FAR2: variants seen among roughly 807,000 people sequenced by gnomAD.
The protein encoded by FAR2 is epididymis secretory protein Li 81.
A neutral mutation model predicts 56.0 loss-of-function variants in FAR2; 19 were observed. The ratio of observed to expected loss-of-function variants is 0.34; its 90% CI spans 0.24 to 0.50. The LOEUF (loss-of-function observed/expected upper bound fraction) is 0.50, where lower values mean the gene tolerates loss of function less well. Ranked by LOEUF, FAR2 falls within the 20% of genes least tolerant of loss-of-function variation. The probability of loss-of-function intolerance (pLI) is 0.98; values close to 1 mark genes in which losing one functional copy is unlikely to be tolerated. For missense variants in FAR2, 508 were observed against 642.2 expected (o/e 0.79, Z 2.26); for synonymous variants, 219 against 218.8 (o/e 1.00, Z -0.01).
intron 1 of FAR2, among the ~76,000 whole-genome samples, chr12:29,224,225 A>G (rs1030119339): frequency 6.6e-6 from 1 of 152,176 alleles, no homozygotes; most frequent in Non-Finnish European, 1.5e-5. Flanking sequence ...GACTGCATGA[A>G]ATGAAATGCT....
intron 1 of FAR2, among the ~76,000 whole-genome samples, chr12:29,167,055 A>G (rs1367730517): frequency 6.6e-6 from 1 of 152,094 alleles, no homozygotes; most frequent in Non-Finnish European, 1.5e-5. Flanking sequence ...GGATCTTGCC[A>G]ATAATCGATT....
At chr12:29,297,224 C>G (rs752913061) in intron 4 of FAR2, 24 bp downstream of exon 4, 3 of 1,594,934 alleles carry the variant, frequency 1.9e-6, no homozygotes, top group Non-Finnish European at 2.6e-6. Context: ...ATAAAAGGAT[C>G]AAGGGGCGGG....
chr12:29,323,816 C>T (rs555983723), intron 10 of FAR2, among the ~76,000 whole-genome samples: 7 of 152,130 alleles, frequency 4.6e-5, no homozygotes, highest in African/African-American at 2.4e-5. Flanking sequence ...GTAGAAAAAC[C>T]GGAAACGCTA....
At chr12:29,198,418 A>G (rs906899766) in intron 1 of FAR2, among the ~76,000 whole-genome samples, 1 of 151,950 alleles carries the variant, frequency 6.6e-6, no homozygotes, top group African/African-American at 2.4e-5. Context: ...TAGTAGAGAC[A>G]GGGTTTCACC....
intron 2 of FAR2, among the ~76,000 whole-genome samples, chr12:29,291,153 A>G (rs1293679693): frequency 6.6e-6 from 1 of 152,124 alleles, no homozygotes; most frequent in Non-Finnish European, 1.5e-5. Flanking sequence ...AGAAAAATAG[A>G]AAGAGTTTCC....
At chr12:29,286,944 G>A (rs1948885934) in intron 2 of FAR2, among the ~76,000 whole-genome samples, 1 of 152,098 alleles carries the variant, frequency 6.6e-6, no homozygotes, top group South Asian at 2.1e-4. Context: ...TAGTCAGGTG[G>A]TTGGCATTTT....
At chr12:29,333,273 C>A (rs2136833718) in intron 11 of FAR2, 1 of 245,062 alleles carries the variant, frequency 4.1e-6, no homozygotes, top group Non-Finnish European at 7.9e-6. Context: ...AAGGAGGAAC[C>A]TTGAATAGCA....
chr12:29,197,490 A>G (rs1363135099), intron 1 of FAR2, among the ~76,000 whole-genome samples: 3 of 152,170 alleles, frequency 2.0e-5, no homozygotes, highest in African/African-American at 7.2e-5. Flanking sequence ...CCAACAACTT[A>G]TGATAGGGGT....
rs572304394 is a variant in FAR2, at chr12:29,274,257, T to C, written c.189+3619T>C. Among the ~76,000 whole-genome samples, 75 of 139,074 alleles carry C rather than the reference T, an allele frequency of 5.4e-4. 1 individual carries two copies. The highest frequency in any genetic ancestry group is 7.1e-4 in the Non-Finnish European group (47 of 65,920). The allele number at this position is 139,074 out of a possible 152,430, so 91.2% of individuals were successfully genotyped here. ...CCCTTCCTGTGTCCATGTGTTCTCA[T>C]TGTTCAGTTCCCACCTCTGAGTGAG... On this transcript the variant is annotated intron_variant, in intron 2 of 11. Coordinates refer to ENST00000536681, the MANE Select transcript of FAR2 (RefSeq NM_001271783.2).
intron 1 of FAR2, among the ~76,000 whole-genome samples, chr12:29,254,044 G>A (rs1948276178): frequency 6.6e-6 from 1 of 152,140 alleles, no homozygotes; most frequent in Admixed American, 6.5e-5. Flanking sequence ...GTGTTCTTAA[G>A]ACCAGCTTTG....
At chr12:29,243,666 C>T (rs183559253) in intron 1 of FAR2, among the ~76,000 whole-genome samples, 2 of 152,150 alleles carry the variant, frequency 1.3e-5, no homozygotes, top group African/African-American at 2.4e-5. Context: ...ATTATGCCAG[C>T]GTTGGAATGG....
intron 1 of FAR2, among the ~76,000 whole-genome samples, chr12:29,164,677 A>G (rs1758606716): frequency 6.6e-6 from 1 of 152,170 alleles, no homozygotes; most frequent in Admixed American, 6.5e-5. Context: ...TGAGCCATGA[A>G]CTGAGGAGTA....
intron 1 of FAR2, among the ~76,000 whole-genome samples, chr12:29,176,051 C>T (rs190608943): frequency 1.6e-3 from 241 of 152,138 alleles, no homozygotes; most frequent in South Asian, 3.3e-3. Context: ...TTTAAATTTG[C>T]ACTTCTGTAG....
At chr12:29,182,297 GGCCA>G (rs2136598414) in intron 1 of FAR2, among the ~76,000 whole-genome samples, 1 of 152,330 alleles carries the variant, frequency 6.6e-6, no homozygotes, top group African/African-American at 2.4e-5. Context: ...TGGCTGCAGT[GGCCA>G]GCTTTTATTC....
At chr12:29,329,566 G>A (rs2136827279) in intron 10 of FAR2, among the ~76,000 whole-genome samples, 1 of 152,198 alleles carries the variant, frequency 6.6e-6, no homozygotes, top group East Asian at 1.9e-4. Flanking sequence ...ACTTAGAAAT[G>A]TTAAACACTA....
intron 7 of FAR2, among the ~76,000 whole-genome samples, chr12:29,311,610 T>C (rs1949352569): frequency 6.6e-6 from 1 of 151,888 alleles, no homozygotes; most frequent in Non-Finnish European, 1.5e-5. Context: ...AAATTTTTCT[T>C]ATGTGAACTC....
rs534059881 is a variant in FAR2 at position 29,204,278 on chromosome 12, G to A, written c.-39+54871G>A. On this transcript the variant is annotated intron_variant, in intron 1 of 11. Coordinates refer to ENST00000536681, the MANE Select transcript of FAR2 (RefSeq NM_001271783.2). ...TCTAAACCAGGACTATGTTGGCCCTGAAGAGACAGTGAAGACACGGCCCCT... is the reference window on the plus strand; with the variant it reads ...TCTAAACCAGGACTATGTTGGCCCTAAAGAGACAGTGAAGACACGGCCCCT... Among the ~76,000 whole-genome samples, 4 of 152,040 alleles carry A rather than the reference G, an allele frequency of 2.6e-5. No homozygotes were observed. In the East Asian group the frequency reaches 5.8e-4, roughly 22 times the overall value.
intron 2 of FAR2, among the ~76,000 whole-genome samples, chr12:29,272,359 G>C (rs181917729): frequency 6.6e-6 from 1 of 151,784 alleles, no homozygotes; most frequent in Non-Finnish European, 1.5e-5. Context: ...TATTCTTGTC[G>C]GCATCTTATT....
chr12:29,197,883 C>G (rs1259979351), intron 1 of FAR2, among the ~76,000 whole-genome samples: 1 of 152,086 alleles, frequency 6.6e-6, no homozygotes, highest in Non-Finnish European at 1.5e-5. Context: ...AAAGCAAAAT[C>G]TCAGACTTAA....
Sources: gnomAD v4.1 joint callset for allele counts (sites outside exome capture counted in the v4.1 genomes callset) on GRCh38, gnomAD v4.1.1 for gene constraint, MANE v1.5 for transcripts, NCBI Gene and HGNC (gene_info 2026-07-23, HGNC 2026-07-21) for gene names.